NDRG1: variants seen among roughly 807,000 people sequenced by gnomAD.
NDRG1 encodes the protein protein NDRG1.
In NDRG1, 32 loss-of-function variants were observed where a neutral mutation model predicts 56.9. That is an observed-to-expected ratio of 0.56 (90% CI 0.42 to 0.76). The LOEUF is 0.76. Among genes scored for constraint, NDRG1 ranks in the 30% least tolerant of loss-of-function variants. The pLI is 0.00. For missense variants in NDRG1, 507 were observed against 545.7 expected (o/e 0.93, Z 0.71); for synonymous variants, 211 against 204.1 (o/e 1.03, Z -0.29).
intron 3 of NDRG1, 141 bp downstream of exon 3, chr8:133,280,091 G>T (rs1857698232): frequency 3.2e-6 from 3 of 951,968 alleles, no homozygotes; most frequent in African/African-American, 3.3e-5. Context: ...GCAGCTGAGG[G>T]TGAGGACCTA....
chr8:133,266,370 G>A (rs1400090370), intron 3 of NDRG1, among the ~76,000 whole-genome samples: 2 of 152,264 alleles, frequency 1.3e-5, no homozygotes, highest in East Asian at 3.9e-4. Context: ...TGGCAGAAAT[G>A]CGACCCATAC....
intron 12 of NDRG1, 103 bp downstream of exon 12, chr8:133,247,772 G>C: frequency 1.6e-6 from 2 of 1,224,832 alleles, no homozygotes; most frequent in Non-Finnish European, 2.4e-6. Context: ...CACCTGCCCT[G>C]ATGGGGCAGA....
chr8:133,255,234 ACAGCCT>A (rs1856303221), intron 8 of NDRG1: 3 of 454,280 alleles, frequency 6.6e-6, no homozygotes, highest in Non-Finnish European at 1.3e-5. Flanking sequence ...CTTGCCTGCC[ACAGCCT>A]AGCTGTGTGG....
intron 1 of NDRG1, among the ~76,000 whole-genome samples, chr8:133,292,783 G>T (rs1858499354): frequency 6.6e-6 from 1 of 152,134 alleles, no homozygotes; most frequent in Non-Finnish European, 1.5e-5. Context: ...ATGTATAGCT[G>T]CAGAAAGTCT....
Position 133,253,384 on chromosome 8 carries a change from C to T in NDRG1, c.594+1155G>A, listed in dbSNP as rs193212233. 5.7e-3 allele frequency among the ~76,000 whole-genome samples: 872 copies of T among 152,336 alleles called. 4 individuals carry two copies. The highest frequency in any genetic ancestry group is 8.0e-3 in the Non-Finnish European group (542 of 68,024). ...GGTTCTAATACCGGCCCCACCTCTC[C>T]CTGGTTGAGACCCTATGCAAGTCAC... On this transcript the variant is annotated intron_variant, in intron 9 of 15. Coordinates refer to ENST00000323851, the MANE Select transcript of NDRG1 (RefSeq NM_006096.4).
In NDRG1 at chr8:133,256,784, G is replaced by T; in HGVS notation, c.530C>A (p.Ala177Asp). Residue 177 changes from alanine to aspartate, a missense_variant, in exon 8 of 16, where the codon GCC (alanine) becomes GAC (aspartate). By Grantham distance (126) the Ala-to-Asp change is moderately radical. Transcript: ENST00000323851. ...GACAGGCCCCCACCTCACCTTGGAG[G>T]CGGCCCAGTCCATCCAGCCTTCCGC... Reference protein sequence around the residue: ...PCAEGWMDWAASKISGWTQAL... With the variant: ...PCAEGWMDWADSKISGWTQAL... 6.2e-7 allele frequency: 1 copy of T among 1,614,126 alleles called. No individual in the cohort carries two copies. Among genetic ancestry groups the T allele is most frequent in the Non-Finnish European group, 8.5e-7 (1 of 1,180,028 alleles).
chr8:133,269,019 G>A (rs1857059351), intron 3 of NDRG1, among the ~76,000 whole-genome samples: 1 of 152,178 alleles, frequency 6.6e-6, no homozygotes, highest in Admixed American at 6.5e-5. Context: ...AGTCCCAAAG[G>A]AATGTTCTGT....
intron 2 of NDRG1, among the ~76,000 whole-genome samples, chr8:133,282,423 G>A (rs868503491): frequency 6.6e-6 from 1 of 152,236 alleles, no homozygotes; most frequent in South Asian, 2.1e-4. Flanking sequence ...AGAAAAGCAA[G>A]TGGATTATGG....
rs552668487 is a variant in NDRG1, at chr8:133,248,168, T to C, written c.756-242A>G. 2.2e-4 allele frequency among the ~76,000 whole-genome samples: 34 copies of C among 152,332 alleles called. No homozygotes were observed. The South Asian group carries it at 6.8e-3, about 31-fold the overall frequency. ...GACTCAGTGCTTTTGTTTTAAAGCA[T>C]CTTCTCCTCAAGGATGGTTAAGCAG... is the stretch of plus-strand genomic sequence containing the variant. On this transcript the variant is annotated intron_variant, in intron 11 of 15. Coordinates refer to ENST00000323851, the MANE Select transcript of NDRG1 (RefSeq NM_006096.4).
chr8:133,282,896 G>T (rs1366288376), intron 2 of NDRG1, among the ~76,000 whole-genome samples: 1 of 152,200 alleles, frequency 6.6e-6, no homozygotes, highest in Non-Finnish European at 1.5e-5. Context: ...TCTAACTCTA[G>T]TTGTACCAGC....
chr8:133,291,444 T>C (rs1229660866), intron 1 of NDRG1, among the ~76,000 whole-genome samples: 1 of 152,172 alleles, frequency 6.6e-6, no homozygotes, highest in Non-Finnish European at 1.5e-5. Flanking sequence ...CCCAAAGAGA[T>C]TTTGAAGTCA....
At chr8:133,280,664 G>A (rs1857744922) in intron 2 of NDRG1, among the ~76,000 whole-genome samples, 2 of 152,032 alleles carry the variant, frequency 1.3e-5, no homozygotes, top group Admixed American at 1.3e-4. Context: ...TCGATTTCCT[G>A]ACCTCATGAT....
intron 1 of NDRG1, among the ~76,000 whole-genome samples, chr8:133,290,405 A>C (rs1858366408): frequency 6.6e-6 from 1 of 152,104 alleles, no homozygotes; most frequent in South Asian, 2.1e-4. Context: ...CCTCACAGAA[A>C]CCCTAGGAGG....
At chr8:133,255,640 G>A (rs1056666202) in intron 8 of NDRG1, 1 of 316,824 alleles carries the variant, frequency 3.2e-6, no homozygotes, top group Non-Finnish European at 6.2e-6. Context: ...CATACAGGCT[G>A]GACGGAAGGG....
At chr8:133,286,171 T>C (rs1386947217) in intron 1 of NDRG1, among the ~76,000 whole-genome samples, 1 of 152,246 alleles carries the variant, frequency 6.6e-6, no homozygotes, top group African/African-American at 2.4e-5. Flanking sequence ...GAGACTCTCC[T>C]AGGCAGAAAG....
intron 3 of NDRG1, among the ~76,000 whole-genome samples, chr8:133,272,992 G>C (rs1226986201): frequency 6.6e-6 from 1 of 152,172 alleles, no homozygotes; most frequent in Non-Finnish European, 1.5e-5. Flanking sequence ...CCACCGAATG[G>C]GATTGTACAT....
At chr8:133,258,758 G>A (rs1194477323) in intron 6 of NDRG1, among the ~76,000 whole-genome samples, 1 of 152,202 alleles carries the variant, frequency 6.6e-6, no homozygotes, top group African/African-American at 2.4e-5. Context: ...AAAACAAATT[G>A]AGCAAGAACC....
At chr8:133,294,920 C>A (rs950835229) in intron 1 of NDRG1, among the ~76,000 whole-genome samples, 2 of 152,244 alleles carry the variant, frequency 1.3e-5, no homozygotes, top group Admixed American at 6.5e-5. Flanking sequence ...TGCCTTCAGT[C>A]CCACCCAGGA....
chr8:133,253,245 G>C (rs1175448875), intron 9 of NDRG1, among the ~76,000 whole-genome samples: 1 of 152,198 alleles, frequency 6.6e-6, no homozygotes, highest in African/African-American at 2.4e-5. Context: ...GAGGGGCTTG[G>C]CTCAATCCCC....
Sources: allele counts gnomAD v4.1 joint callset (sites outside exome capture counted in the v4.1 genomes callset), GRCh38; gene constraint gnomAD v4.1.1; transcripts MANE v1.5; gene names NCBI Gene and HGNC (gene_info 2026-07-23, HGNC 2026-07-21).